Variants in FAM216A observed in about 807,000 individuals in gnomAD.
FAM216A encodes family with sequence similarity 216 member A.
A neutral mutation model predicts 37.6 loss-of-function variants in FAM216A; 26 were observed. The ratio of observed to expected loss-of-function variants is 0.69; its 90% confidence interval spans 0.51 to 0.96. The LOEUF is 0.96. FAM216A is among the 40% of genes least tolerant of loss of function. The pLI, the probability that FAM216A is intolerant of heterozygous loss-of-function variation, is 0.00. For synonymous variants in FAM216A, 110 were observed against 121.7 expected, an observed-to-expected ratio of 0.90 and a Z score of 0.64; for missense variants, 326 against 339.3, an observed-to-expected ratio of 0.96 and a Z score of 0.31.
At chr12:110,469,145 C>T in intron 1 of FAM216A, 127 bp downstream of exon 1, 2 of 1,142,564 alleles carry the variant, frequency 1.8e-6, no homozygotes, top group Non-Finnish European at 2.3e-6. Context: ...CCCCGGTGCC[C>T]TCAAGTGAGA....
intron 1 of FAM216A, among the ~76,000 whole-genome samples, chr12:110,472,844 G>A (rs1293924228): frequency 6.6e-6 from 1 of 151,164 alleles, no homozygotes; most frequent in South Asian, 2.1e-4. Context: ...TTAGCTGGGT[G>A]TAGCAGCGCT....
chr12:110,489,531 C>T (rs1216166459), intron 6 of FAM216A, among the ~76,000 whole-genome samples: 2 of 151,904 alleles, frequency 1.3e-5, no homozygotes, highest in East Asian at 3.9e-4. Context: ...AATTGATATC[C>T]CATCACTGTA....
intron 1 of FAM216A, 76 bp downstream of exon 1, chr12:110,469,094 G>T: frequency 7.4e-7 from 1 of 1,343,374 alleles, no homozygotes; most frequent in South Asian, 1.8e-5. Context: ...CGTGAGCCCC[G>T]TGGAGGAGGG....
intron 6 of FAM216A, among the ~76,000 whole-genome samples, chr12:110,488,898 T>A (rs1446489198): frequency 6.6e-6 from 1 of 152,198 alleles, no homozygotes; most frequent in Non-Finnish European, 1.5e-5. Flanking sequence ...TCAAAATATC[T>A]TATACTGTAC....
chr12:110,469,038 G>T lies in FAM216A; in HGVS notation c.143+20G>T. ...CGGCGGGTGAGGTTGGGGGCCCCGG[G>T]GTAAGGGTGGCAGCATGGGGCCCCC... On this transcript the variant is annotated intron_variant, in intron 1 of 6. Transcript: ENST00000377673. 1 of 1,437,924 alleles carries T rather than the reference G, an allele frequency of 7.0e-7. No individual in the cohort carries two copies. The highest frequency in any genetic ancestry group is 1.5e-5 in the African/African-American group (1 of 68,016). The allele number at this position is 1,437,924 out of a possible 1,614,324, so 89.1% of individuals were successfully genotyped here. A position where few individuals can be genotyped will look rare whatever the true frequency, so the allele number is the denominator to read the frequency against.
At chr12:110,477,880 TG>T (rs780025495) in intron 2 of FAM216A, among the ~76,000 whole-genome samples, 13 of 151,470 alleles carry the variant, frequency 8.6e-5, no homozygotes, top group East Asian at 3.9e-4. Flanking sequence ...GCTAATTTTT[TG>T]TATTTTTAGT....
chr12:110,482,036 T>C (rs2062749973), intron 2 of FAM216A, among the ~76,000 whole-genome samples: 2 of 152,142 alleles, frequency 1.3e-5, no homozygotes, highest in Admixed American at 6.6e-5. Context: ...TAGCCTGTTA[T>C]TAATAATATT....
At chr12:110,478,724 T>C (rs1053478349) in intron 2 of FAM216A, among the ~76,000 whole-genome samples, 1 of 152,166 alleles carries the variant, frequency 6.6e-6, no homozygotes, top group African/African-American at 2.4e-5. Context: ...CCCCGATGCC[T>C]TGATTTTGGC....
At chr12:110,473,258 C>A in intron 2 of FAM216A, 140 bp downstream of exon 2, 1 of 391,190 alleles carries the variant, frequency 2.6e-6, no homozygotes, top group Non-Finnish European at 4.9e-6. Context: ...GTTGCCTGGG[C>A]TGGAGTGCAG....
rs1027562504 is a variant in FAM216A at position 110,473,246 on chromosome 12, CTG to C, written c.184+130_184+131del. Reference sequence around the variant, plus strand: ...TTTTTTTTTGAGATGGAGTCTCACTCTGTTGCCTGGGCTGGAGTGCAGTAGTG... The same window carrying C: ...TTTTTTTTTGAGATGGAGTCTCACTCTTGCCTGGGCTGGAGTGCAGTAGTG... On this transcript the variant is annotated intron_variant, in intron 2 of 6. Transcript: ENST00000377673. The C allele has an allele frequency of 2.2e-5, 9 of 404,804 alleles. No individual in the cohort carries two copies. In the Admixed American group the frequency reaches 3.5e-4, roughly 16 times the overall value. The allele number at this position is 404,804 out of a possible 1,614,324, so 25.1% of individuals were successfully genotyped here. A position where few individuals can be genotyped will look rare whatever the true frequency, so the allele number is the denominator to read the frequency against.
intron 2 of FAM216A, among the ~76,000 whole-genome samples, chr12:110,484,406 GAC>G (rs1323014430): frequency 1.6e-5 from 2 of 124,286 alleles, no homozygotes; most frequent in Non-Finnish European, 3.2e-5. Context: ...CAGCCTGGGG[GAC>G]ACAGAGAGAC....
At chr12:110,470,403 T>C (rs145966128) in intron 1 of FAM216A, among the ~76,000 whole-genome samples, 48 of 151,724 alleles carry the variant, frequency 3.2e-4, no homozygotes, top group African/African-American at 1.1e-3. Flanking sequence ...TGGGATGGAG[T>C]CTTGGGTTTC....
chr12:110,485,053 A>G (rs2062769365), intron 2 of FAM216A, 25 bp from the exon 3 acceptor site: 1 of 1,590,930 alleles, frequency 6.3e-7, no homozygotes, highest in Non-Finnish European at 8.5e-7. Context: ...TGCCTCTGAA[A>G]TTCACATGAT....
Position 110,486,633 on chromosome 12 carries a change from C to T in FAM216A, c.536C>T (p.Ser179Leu), listed in dbSNP as rs767908897. ...CGACATCAACTGGAGAGAGAGGACT[C>T]GGGGTCTTCTGATATCGCAGCTGCA... ...TWRHQLEREDSGSSDIAAASA... is the reference protein window; with the variant it reads ...TWRHQLEREDLGSSDIAAASA... Residue 179 changes from serine (S) to leucine (L), a missense_variant, in exon 5 of 7, where the codon TCG becomes TTG. Coordinates refer to ENST00000377673, the MANE Select transcript of FAM216A (RefSeq NM_013300.3). 1.2e-5 allele frequency: 19 copies of T among 1,613,962 alleles called. No individual in the cohort carries two copies. The highest frequency in any genetic ancestry group is 3.3e-5 in the South Asian group (3 of 91,084).
rs7956133 is a variant in FAM216A, at chr12:110,485,124, G to T, written c.231G>T (p.Leu77=). The change falls in exon 3 of 7, where the codon CTG becomes CTT. Residue 77 remains leucine (L), a synonymous_variant. Coordinates refer to ENST00000377673, the MANE Select transcript of FAM216A (RefSeq NM_013300.3). The part of the protein sequence containing the change: ...GYKVNSHIAK[L]QELWKTPQNQ... ...AAGTGAACTCACACATAGCTAAGCTGCAAGAGTTATGGAAAACTCCCCAAA... is the reference window on the plus strand; with the variant it reads ...AAGTGAACTCACACATAGCTAAGCTTCAAGAGTTATGGAAAACTCCCCAAA... The T allele has an allele frequency of 0.04, 64,907 of 1,612,088 alleles. 1,852 individuals are homozygous for T. Among genetic ancestry groups the T allele is most frequent in the African/African-American group, 0.14 (10,643 of 74,878 alleles).
chr12:110,484,276 A>C (rs1199545384), intron 2 of FAM216A, among the ~76,000 whole-genome samples: 3 of 151,424 alleles, frequency 2.0e-5, no homozygotes, highest in Admixed American at 1.3e-4. Flanking sequence ...AAATACAAAA[A>C]ATTAGCCGGG....
chr12:110,486,151 C>T, intron 3 of FAM216A, 174 bp from the exon 4 acceptor site: 1 of 616,396 alleles, frequency 1.6e-6, no homozygotes, highest in Non-Finnish European at 2.7e-6. Flanking sequence ...AGCAGAGCCA[C>T]TTGCACTGTT....
intron 2 of FAM216A, among the ~76,000 whole-genome samples, chr12:110,475,865 T>C (rs893324827): frequency 6.6e-6 from 1 of 151,818 alleles, no homozygotes; most frequent in Non-Finnish European, 1.5e-5. Context: ...CCCTCCAGAG[T>C]AGCTGGGACT....
In FAM216A at chr12:110,487,887, C is replaced by A; in HGVS notation, c.647C>A (p.Thr216Lys). 6.2e-7 allele frequency: 1 copy of A among 1,606,042 alleles called. No individual in the cohort carries two copies. Among genetic ancestry groups the A allele is most frequent in the Non-Finnish European group, 8.5e-7 (1 of 1,174,512 alleles). Reference protein sequence around the residue: ...EGIKTGYASKTRCKSLKIFRR... With the variant: ...EGIKTGYASKKRCKSLKIFRR... ...ATAAAAACTGGATATGCATCTAAAA[C>A]AAGATGTAAGTCACTGAAGATTTTT... The change falls in exon 6 of 7, where the codon ACA (threonine) becomes AAA (lysine). Residue 216 changes from threonine to lysine, a missense_variant. Coordinates refer to ENST00000377673, the MANE Select transcript of FAM216A (RefSeq NM_013300.3).
Sources: allele counts gnomAD v4.1 joint callset (sites outside exome capture counted in the v4.1 genomes callset), GRCh38; gene constraint gnomAD v4.1.1; transcripts MANE v1.5; gene names NCBI Gene and HGNC (gene_info 2026-07-23, HGNC 2026-07-21).